Variants in TSR1 observed in about 807,000 individuals in gnomAD.
TSR1 encodes the protein TSR1 ribosome maturation factor.
Under a neutral mutation model 90.9 loss-of-function variants are expected in TSR1, and 81 were observed. The observed-to-expected ratio is 0.89, with a 90% CI of 0.74 to 1.07. TSR1 has a LOEUF of 1.07. Ranked by LOEUF, TSR1 falls within the 50% of genes least tolerant of loss-of-function variation. The probability of loss-of-function intolerance (pLI) is 0.00; values close to 1 mark genes in which losing one functional copy is unlikely to be tolerated. For missense variants in TSR1, 989 were observed against 987.3 expected (o/e 1.00, Z -0.02); for synonymous variants, 362 against 348.8 (o/e 1.04, Z -0.42).
At chr17:2,333,422 A>C in intron 6 of TSR1, 135 bp downstream of exon 6, 1 of 1,060,758 alleles carries the variant, frequency 9.4e-7, no homozygotes, top group Admixed American at 2.0e-5. Flanking sequence ...GAAAACATAC[A>C]GCATTTGAGG....
At chr17:2,326,882 A>T (rs942907981) in intron 11 of TSR1, among the ~76,000 whole-genome samples, 5 of 152,132 alleles carry the variant, frequency 3.3e-5, no homozygotes, top group Non-Finnish European at 5.9e-5. Context: ...ATGCGGGTGG[A>T]TCACCTGAGG....
In TSR1 at chr17:2,323,157, G is replaced by A. The variant is rs1417760647; in HGVS notation, c.*1039C>T. 6.2e-7 allele frequency: 1 copy of A among 1,614,078 alleles called. No individual in the cohort carries two copies. Among genetic ancestry groups the A allele is most frequent in the Non-Finnish European group, 8.5e-7 (1 of 1,180,042 alleles). On this transcript the variant is annotated 3_prime_UTR_variant, in exon 15 of 15. Coordinates refer to ENST00000301364, the MANE Select transcript of TSR1 (RefSeq NM_018128.5). ...CCAGGCTCTGAAACCTAGTGTGAAG[G>A]TATATGCTGCTGAACCCTCAAATGC...
chr17:2,330,295 C>A, intron 10 of TSR1: 2 of 675,890 alleles, frequency 3.0e-6, no homozygotes, highest in South Asian at 2.7e-5. Context: ...AGTCTCAGAA[C>A]CACACAGAGA....
In TSR1 at chr17:2,327,685, A is replaced by G. The variant is rs143295147; in HGVS notation, c.1903+1658T>C. 4.5e-3 allele frequency among the ~76,000 whole-genome samples: 683 copies of G among 152,350 alleles called. 5 individuals are homozygous for G. The highest frequency in any genetic ancestry group is 0.013 in the African/African-American group (546 of 41,578). ...ACTGGAATATATCCAAATGACAATA[A>G]AGCATTAAAAGTCTCATTAACTAAT... On this transcript the variant is annotated intron_variant, in intron 11 of 14. Coordinates refer to ENST00000301364, the MANE Select transcript of TSR1 (RefSeq NM_018128.5).
chr17:2,329,028 G>A, intron 11 of TSR1: 2 of 508,864 alleles, frequency 3.9e-6, no homozygotes, highest in Admixed American at 4.7e-5. Context: ...GGGATTACAG[G>A]TGTGAACCAC....
chr17:2,333,417 CAT>C, intron 6 of TSR1, 138 bp downstream of exon 6: 1 of 1,040,218 alleles, frequency 9.6e-7, no homozygotes, highest in Non-Finnish European at 1.5e-6. Context: ...TTATTGAAAA[CAT>C]ACAGCATTTG....
Position 2,334,674 on chromosome 17 carries a change from A to C in TSR1, c.779T>G (p.Phe260Cys). The change falls in exon 5 of 15, where the codon TTT (phenylalanine) becomes TGT (cysteine). Residue 260 changes from phenylalanine (F) to cysteine (C), a missense_variant. Phe to Cys is a radical substitution (Grantham distance 205). Transcript: ENST00000301364. ...CAAGTTATTCTCTTCACTAGGAACA[A>C]AATCAACAGCATGGGCAAATAGGTA... Reference protein sequence around the residue: ...RAYLFAHAVDFVPSEENNLVG... With the variant: ...RAYLFAHAVDCVPSEENNLVG... The C allele has an allele frequency of 6.2e-7, 1 of 1,613,682 alleles. No individual in the cohort carries two copies. The highest frequency in any genetic ancestry group is 8.5e-7 in the Non-Finnish European group (1 of 1,180,034).
chr17:2,333,678 A>T lies in TSR1; in HGVS notation c.1020T>A (p.Gly340=). The T allele has an allele frequency of 1.2e-6, 2 of 1,614,052 alleles. No homozygotes were observed. Among genetic ancestry groups the T allele is most frequent in the Non-Finnish European group, 1.7e-6 (2 of 1,180,018 alleles). The part of the protein sequence containing the change: ...ATDAVDDMEE[G]LKVLMKADPG... ...GGTCTGCCTTCATTAGGACTTTAAG[A>T]CCTTCTTCCATATCATCTACAGCAT... Residue 340 remains glycine (G), a synonymous_variant, in exon 6 of 15, where the codon GGT becomes GGA. Coordinates refer to ENST00000301364, the MANE Select transcript of TSR1 (RefSeq NM_018128.5).
Position 2,334,637 on chromosome 17 carries a change from C to T in TSR1, c.816G>A (p.Leu272=). 13 of 1,613,840 alleles carry T rather than the reference C, an allele frequency of 8.1e-6. No individual in the cohort carries two copies. The highest frequency in any genetic ancestry group is 1.1e-5 in the Non-Finnish European group (13 of 1,180,020). Residue 272 remains leucine (L), a synonymous_variant, in exon 5 of 15, where the codon TTG becomes TTA. Coordinates refer to ENST00000301364, the MANE Select transcript of TSR1 (RefSeq NM_018128.5). ...PSEENNLVGT[L]KISGYVRGQT... ...GCCCTCGAACATAGCCTGAAATTTT[C>T]AAGGTGCCCACCAAGTTATTCTCTT...
At chr17:2,325,520 G>T in intron 11 of TSR1, 100 bp from the exon 12 acceptor site, 1 of 875,606 alleles carries the variant, frequency 1.1e-6, no homozygotes, top group Non-Finnish European at 1.7e-6. Flanking sequence ...TTAAACCTAT[G>T]GCAGCTTCTA....
At chr17:2,329,513 C>T (rs1198799608) in intron 10 of TSR1, 38 bp from the exon 11 acceptor site, 1 of 1,609,862 alleles carries the variant, frequency 6.2e-7, no homozygotes, top group Non-Finnish European at 8.5e-7. Context: ...TCTTCATAGT[C>T]TAGGAATACA....
chr17:2,335,595 A>C lies in TSR1; in HGVS notation c.337T>G (p.Leu113Val), dbSNP rs750230871. ...TTCTGGGTGTTTCCCAATTCATTCA[A>C]GTGTACTGTTCCAGTGTCCCTATCT... ...LQDRDTGTVH[L>V]NELGNTQNFM... Residue 113 changes from leucine (L) to valine (V), a missense_variant, in exon 3 of 15, where the codon TTG becomes GTG. Physicochemically the swap from Leu to Val is conservative, Grantham distance 32 (BLOSUM62 1). Coordinates refer to ENST00000301364, the MANE Select transcript of TSR1 (RefSeq NM_018128.5). 2.5e-6 allele frequency: 4 copies of C among 1,614,076 alleles called. No homozygotes were observed. The highest frequency in any genetic ancestry group is 1.3e-5 in the African/African-American group (1 of 74,924).
Position 2,331,048 on chromosome 17 carries a change from G to C in TSR1, c.1558C>G (p.Leu520Val). 1 of 1,611,596 alleles carries C rather than the reference G, an allele frequency of 6.2e-7. No individual in the cohort carries two copies. The highest frequency in any genetic ancestry group is 1.1e-5 in the South Asian group (1 of 90,372). The part of the protein sequence containing the change: ...RTSPWDPKEN[L>V]PQDYARIFQF... Reference sequence around the variant, plus strand: ...AATATTCGAGCATAATCTTGAGGAAGGTTTTCCTTAGGATCCCATGGAGAT... The same window carrying C: ...AATATTCGAGCATAATCTTGAGGAACGTTTTCCTTAGGATCCCATGGAGAT... The change falls in exon 9 of 15, where the codon CTT (leucine) becomes GTT (valine). Residue 520 changes from leucine (L) to valine (V), a missense_variant. By Grantham distance (32) the Leu-to-Val change is conservative (BLOSUM62 1). Transcript: ENST00000301364.
intron 12 of TSR1, 86 bp downstream of exon 12, chr17:2,325,218 G>A: frequency 1.0e-6 from 1 of 965,278 alleles, no homozygotes; most frequent in Non-Finnish European, 1.6e-6. Flanking sequence ...CATACCATTT[G>A]GCTCCCAAAT....
Position 2,334,875 on chromosome 17 carries a change from G to A in TSR1, c.578C>T (p.Ser193Phe). The A allele has an allele frequency of 6.2e-7, 1 of 1,612,550 alleles. No individual in the cohort carries two copies. Among genetic ancestry groups the A allele is most frequent in the South Asian group, 1.1e-5 (1 of 91,084 alleles). ...PTYTLAVQGISGLPLKKQIDT... is the reference protein window; with the variant it reads ...PTYTLAVQGIFGLPLKKQIDT... The stretch of plus-strand genomic sequence containing the variant: ...TATTTGTTTCTTCAGTGGGAGGCCA[G>A]AAATCCCCTGGACAGCTAGTGCTGT... The change falls in exon 5 of 15, where the codon TCT (serine) becomes TTT (phenylalanine). Residue 193 changes from serine to phenylalanine, a missense_variant. By Grantham distance (155) the Ser-to-Phe change is radical. Transcript: ENST00000301364.
rs534329192 is a variant in TSR1, at chr17:2,335,935, C to T, written c.201+102G>A. The T allele has an allele frequency of 5.9e-6, 8 of 1,356,078 alleles. No homozygotes were observed. In the African/African-American group the frequency reaches 8.6e-5, roughly 15 times the overall value. 84.0% of individuals were successfully genotyped at this position (1,356,078 alleles called of 1,614,324 possible). A position where few individuals can be genotyped will look rare whatever the true frequency, so the allele number is the denominator to read the frequency against. On this transcript the variant is annotated intron_variant, in intron 2 of 14. Transcript: ENST00000301364. ...GCTCGACACGTGCTCTAGGGCTATG[C>T]TCTGTCCCTGGACCCTCCTCCCGGT...
rs933850381 is a variant in TSR1, at chr17:2,324,078, A to G, written c.*118T>C. The G allele has an allele frequency of 5.7e-6, 8 of 1,398,660 alleles. 1 individual carries two copies. In the Admixed American group the frequency reaches 1.6e-4, roughly 28 times the overall value. The allele number at this position is 1,398,660 out of a possible 1,614,324, so 86.6% of individuals were successfully genotyped here. On this transcript the variant is annotated 3_prime_UTR_variant, in exon 15 of 15. Transcript: ENST00000301364. ...GTCAAGGCTAAAAAAAAGTCTTGCA[A>G]AATGGGGCAGTGGACTGACAGGCTG...
chr17:2,333,196 G>A, intron 6 of TSR1, 72 bp from the exon 7 acceptor site: 1 of 1,546,592 alleles, frequency 6.5e-7, no homozygotes, highest in South Asian at 1.1e-5. Context: ...TCTCACCTAG[G>A]CAAGGCACCA....
chr17:2,333,479 G>C lies in TSR1; in HGVS notation c.1141+78C>G, dbSNP rs535665361. 5.7e-6 allele frequency: 9 copies of C among 1,574,340 alleles called. No individual in the cohort carries two copies. The African/African-American group carries it at 9.4e-5, about 17-fold the overall frequency. ...TACCCCCACCCCACTCTATCCTATA[G>C]GGCCCTCACTTGGAACAGCTACAGA... On this transcript the variant is annotated intron_variant, in intron 6 of 14. Coordinates refer to ENST00000301364, the MANE Select transcript of TSR1 (RefSeq NM_018128.5).
Sources: allele counts gnomAD v4.1 joint callset (sites outside exome capture counted in the v4.1 genomes callset), GRCh38; gene constraint gnomAD v4.1.1; transcripts MANE v1.5; gene names NCBI Gene and HGNC (gene_info 2026-07-23, HGNC 2026-07-21).